Variants in PLEKHA7 observed in about 807,000 individuals in gnomAD.
The protein encoded by PLEKHA7 is pleckstrin homology domain-containing family A member 7.
Under a neutral mutation model 170.0 loss-of-function variants are expected in PLEKHA7, and 104 were observed. That is an observed-to-expected ratio of 0.61 (90% CI 0.52 to 0.72). The LOEUF (loss-of-function observed/expected upper bound fraction) is 0.72, where lower values mean the gene tolerates loss of function less well. Among genes scored for constraint, PLEKHA7 ranks in the 30% least tolerant of loss-of-function variants. The pLI is 0.00. For missense variants in PLEKHA7, 1,615 were observed against 1,671.7 expected (o/e 0.97, Z 0.59); for synonymous variants, 648 against 660.8 (o/e 0.98, Z 0.30).
chr11:16,860,981 C>A (rs995838669), intron 4 of PLEKHA7, among the ~76,000 whole-genome samples: 3 of 152,158 alleles, frequency 2.0e-5, no homozygotes, highest in Non-Finnish European at 4.4e-5. Context: ...CCATAAAGCA[C>A]CCATGACATA....
chr11:16,938,735 T>C (rs1860482274), intron 3 of PLEKHA7, among the ~76,000 whole-genome samples: 1 of 152,214 alleles, frequency 6.6e-6, no homozygotes, highest in East Asian at 1.9e-4. Context: ...CATTTTTCAA[T>C]GTGCAGTTTA....
At position 16,882,779 on chromosome 11, in the gene PLEKHA7, T is replaced by C. The variant is rs191363719; in HGVS notation, c.222-11597A>G. ...TTAGATCATAATCACCCCCACAGAA[T>C]AGTAGCTTATAATCCAATAGAATAG... On this transcript the variant is annotated intron_variant, in intron 3 of 26. Transcript: ENST00000531066. 2.0e-5 allele frequency among the ~76,000 whole-genome samples: 3 copies of C among 152,222 alleles called. No individual in the cohort carries two copies. In the East Asian group the frequency reaches 5.8e-4, roughly 29 times the overall value.
chr11:16,805,141 T>A (rs1335607039), intron 13 of PLEKHA7, among the ~76,000 whole-genome samples: 1 of 152,204 alleles, frequency 6.6e-6, no homozygotes, highest in Non-Finnish European at 1.5e-5. Context: ...CATTTTCAAA[T>A]GGAGATACAC....
At chr11:16,804,212 A>C (rs1449578613) in intron 13 of PLEKHA7, among the ~76,000 whole-genome samples, 2 of 152,158 alleles carry the variant, frequency 1.3e-5, no homozygotes, top group Non-Finnish European at 2.9e-5. Flanking sequence ...TATTTTGCCT[A>C]ATGTAGGGGA....
intron 13 of PLEKHA7, among the ~76,000 whole-genome samples, chr11:16,812,733 C>A (rs1021523959): frequency 6.6e-6 from 1 of 152,178 alleles, no homozygotes; most frequent in African/African-American, 2.4e-5. Flanking sequence ...AACCAAAGAA[C>A]CCACCACACC....
At position 16,789,915 on chromosome 11, in the gene PLEKHA7, T is replaced by C. The variant is rs370307310; in HGVS notation, c.3053-37A>G. 1.9e-5 allele frequency: 29 copies of C among 1,550,736 alleles called. No individual in the cohort carries two copies. Among genetic ancestry groups the C allele is most frequent in the Non-Finnish European group, 2.6e-5 (29 of 1,123,114 alleles). On this transcript the variant is annotated intron_variant, in intron 21 of 26. Transcript: ENST00000531066. The surrounding 1 kb of genome is among the most constrained non-coding windows in gnomAD (Gnocchi z 4.6). ...AAGAGAAGTGCAAGCATGTTTGTGC[T>C]GGGGTGGATGGGTCCCTGCTTCTCC...
At chr11:16,860,789 A>C (rs777620346) in intron 4 of PLEKHA7, among the ~76,000 whole-genome samples, 4 of 152,176 alleles carry the variant, frequency 2.6e-5, no homozygotes, top group Non-Finnish European at 5.9e-5. Flanking sequence ...GGTCAAGGAA[A>C]TCTTGTGGTG....
chr11:16,871,290 A>G, intron 3 of PLEKHA7, 108 bp from the exon 4 acceptor site: 1 of 819,744 alleles, frequency 1.2e-6, no homozygotes, highest in Non-Finnish European at 2.0e-6. Flanking sequence ...AAGATTTCAC[A>G]GGGGGAGAAA....
chr11:16,791,533 G>A lies in PLEKHA7; in HGVS notation c.2746-334C>T, dbSNP rs887315608. On this transcript the variant is annotated intron_variant, in intron 19 of 26. Transcript: ENST00000531066. The surrounding 1 kb of genome is among the most constrained non-coding windows in gnomAD (Gnocchi z 4.5). The stretch of plus-strand genomic sequence containing the variant: ...CCTCCGCTCATCTGGAGTGCACATC[G>A]CAGGCAGGCTGCTAACCCTGCCCTG... 6 of 520,424 alleles carry A rather than the reference G, an allele frequency of 1.2e-5. No individual in the cohort carries two copies. The highest frequency in any genetic ancestry group is 7.6e-5 in the African/African-American group (4 of 52,658). The allele number at this position is 520,424 out of a possible 1,614,324, so 32.2% of individuals were successfully genotyped here.
At chr11:16,917,190 G>A (rs1858746564) in intron 3 of PLEKHA7, among the ~76,000 whole-genome samples, 1 of 152,102 alleles carries the variant, frequency 6.6e-6, no homozygotes, top group Non-Finnish European at 1.5e-5. Flanking sequence ...CTGCCCTCCA[G>A]CCTGGGTGAC....
intron 3 of PLEKHA7, among the ~76,000 whole-genome samples, chr11:17,005,736 C>A (rs1864952693): frequency 6.6e-6 from 1 of 152,196 alleles, no homozygotes; most frequent in Non-Finnish European, 1.5e-5. Context: ...AAAGAAGTTT[C>A]TTTTTGGAGA....
rs1243624540 is a variant in PLEKHA7, at chr11:16,817,080, C to T, written c.1586G>A (p.Arg529His). The T allele has an allele frequency of 8.1e-6, 13 of 1,612,920 alleles. No individual in the cohort carries two copies. Among genetic ancestry groups the T allele is most frequent in the South Asian group, 3.3e-5 (3 of 90,928 alleles). The change falls in exon 11 of 27, where the codon CGC becomes CAC. Residue 529 changes from arginine (R) to histidine (H), a missense_variant. By Grantham distance (29) the Arg-to-His change is conservative. Coordinates refer to ENST00000531066, the MANE Select transcript of PLEKHA7 (RefSeq NM_001329630.2). This position sits in a 1 kb window ranked among gnomAD's most constrained non-coding sequence, Gnocchi z 4.4. ...GGGGCTGCCGTGCCGGAACTGCTGGCGCTGCTGCCACTCGTAGAGCTGCCA... is the reference window on the plus strand; with the variant it reads ...GGGGCTGCCGTGCCGGAACTGCTGGTGCTGCTGCCACTCGTAGAGCTGCCA... ...TVWQLYEWQQ[R>H]QQFRHGSPTA...
At chr11:16,901,091 C>T (rs1857304146) in intron 3 of PLEKHA7, among the ~76,000 whole-genome samples, 1 of 152,152 alleles carries the variant, frequency 6.6e-6, no homozygotes, top group African/African-American at 2.4e-5. Flanking sequence ...AGGTGATCCG[C>T]CTGCCTCGAC....
In PLEKHA7 at chr11:16,826,484, G is replaced by A. The variant is rs555123327; in HGVS notation, c.979C>T (p.Arg327Cys). The A allele has an allele frequency of 6.8e-6, 11 of 1,614,202 alleles. No individual in the cohort carries two copies. The highest frequency in any genetic ancestry group is 5.5e-5 in the South Asian group (5 of 91,092). Residue 327 changes from arginine to cysteine, a missense_variant, in exon 10 of 27, where the codon CGT becomes TGT. Transcript: ENST00000531066. ...AAGTTGACAATGTCATCATGGCCAC[G>A]ATGAGGACAATCTCTCGTATGTCCG... ...GPGHTRDCPH[R>C]GHDDIVNFER...
chr11:16,889,420 A>AAAAAAAAAAAATATATAT (rs61086849), intron 3 of PLEKHA7, among the ~76,000 whole-genome samples: 2 of 74,686 alleles, frequency 2.7e-5, no homozygotes, highest in Non-Finnish European at 4.7e-5. Flanking sequence ...AAAAAAAAAA[A>AAAAAAAAAAAATATATAT]ATATATATAT....
chr11:16,886,782 A>G (rs1366071751), intron 3 of PLEKHA7, among the ~76,000 whole-genome samples: 3 of 151,834 alleles, frequency 2.0e-5, no homozygotes, highest in African/African-American at 7.2e-5. Context: ...ACTTGCCCCC[A>G]ACAATAACAT....
chr11:16,817,025 C>A lies in PLEKHA7; in HGVS notation c.1641G>T (p.Glu547Asp). Reference protein sequence around the residue: ...PTAPICLGSPEFTDQGRSRSM... With the variant: ...PTAPICLGSPDFTDQGRSRSM... ...TCCTGCTCCGGCCCTGGTCGGTGAA[C>A]TCTGGGGAGCCAAGGCAGATGGGCG... Residue 547 changes from glutamate (E) to aspartate (D), a missense_variant, in exon 11 of 27, where the codon GAG (glutamate) becomes GAT (aspartate). Coordinates refer to ENST00000531066, the MANE Select transcript of PLEKHA7 (RefSeq NM_001329630.2). This position sits in a 1 kb window ranked among gnomAD's most constrained non-coding sequence, Gnocchi z 4.4. 6.2e-7 allele frequency: 1 copy of A among 1,604,634 alleles called. No homozygotes were observed. The highest frequency in any genetic ancestry group is 8.5e-7 in the Non-Finnish European group (1 of 1,174,494).
intron 4 of PLEKHA7, among the ~76,000 whole-genome samples, chr11:16,868,645 A>T (rs1854585440): frequency 6.6e-6 from 1 of 152,230 alleles, no homozygotes; most frequent in Admixed American, 6.5e-5. Context: ...CCTATAGCAT[A>T]TTCTGCCTGT....
intron 3 of PLEKHA7, among the ~76,000 whole-genome samples, chr11:16,884,419 G>C (rs565078258): frequency 6.6e-6 from 1 of 152,196 alleles, no homozygotes; most frequent in Non-Finnish European, 1.5e-5. Context: ...GATCACCTGA[G>C]GTCAGGAGTT....
Sources: allele counts gnomAD v4.1 joint callset (sites outside exome capture counted in the v4.1 genomes callset), GRCh38; gene constraint gnomAD v4.1.1; non-coding constraint Gnocchi (gnomAD v3.1); transcripts MANE v1.5; gene names NCBI Gene and HGNC (gene_info 2026-07-23, HGNC 2026-07-21).